The following GPC6 variants were observed in gnomAD, a reference collection of about 807,000 sequenced individuals.
GPC6 encodes the protein glypican-6.
GPC6 carries 14 observed loss-of-function variants against 55.2 expected under a neutral mutation model. The ratio of observed to expected loss-of-function variants is 0.25; its 90% confidence interval spans 0.17 to 0.40. The LOEUF is 0.40. GPC6 is among the 10% of genes least tolerant of loss of function. The pLI is 1.00. For synonymous variants in GPC6, 278 were observed against 259.6 expected (o/e 1.07, Z -0.68); for missense variants, 641 against 708.5 (o/e 0.90, Z 1.08).
intron 4 of GPC6, among the ~76,000 whole-genome samples, chr13:94,149,753 G>A (rs917987973): frequency 6.6e-6 from 1 of 151,954 alleles, no homozygotes; most frequent in Non-Finnish European, 1.5e-5. Flanking sequence ...AATACAGGAA[G>A]GGTTAATACA....
At chr13:94,049,882 T>C (rs1445626374) in intron 4 of GPC6, among the ~76,000 whole-genome samples, 3 of 152,134 alleles carry the variant, frequency 2.0e-5, no homozygotes, top group African/African-American at 4.8e-5. Context: ...GTAGAGATAA[T>C]TGAATCACGG....
intron 2 of GPC6, among the ~76,000 whole-genome samples, chr13:93,708,838 G>A (rs527952840): frequency 2.0e-5 from 3 of 151,830 alleles, no homozygotes; most frequent in African/African-American, 7.2e-5. Context: ...ACTAGTGACA[G>A]AAACTCACTC....
At chr13:93,479,612 C>G (rs1041216925) in intron 1 of GPC6, among the ~76,000 whole-genome samples, 181 of 141,444 alleles carry the variant, frequency 1.3e-3, no homozygotes, top group Non-Finnish European at 1.4e-3. Flanking sequence ...GGTGAGACCC[C>G]CCCCCATCTC....
At chr13:94,141,320 A>G (rs984335852) in intron 4 of GPC6, among the ~76,000 whole-genome samples, 4 of 152,216 alleles carry the variant, frequency 2.6e-5, no homozygotes, top group African/African-American at 7.2e-5. Context: ...TCAGCAAAAA[A>G]GAATGCTTAA....
intron 4 of GPC6, among the ~76,000 whole-genome samples, chr13:94,044,106 T>C (rs1311822796): frequency 6.6e-6 from 1 of 151,778 alleles, no homozygotes; most frequent in Admixed American, 6.6e-5. Flanking sequence ...CCTTTATCCA[T>C]ACTAACTTAG....
intron 1 of GPC6, among the ~76,000 whole-genome samples, chr13:93,335,555 C>T (rs1880015548): frequency 2.0e-5 from 3 of 152,166 alleles, no homozygotes; most frequent in Admixed American, 2.0e-4. Flanking sequence ...TGCCCCCTAC[C>T]TCTCAGGAGT....
chr13:94,056,352 C>A (rs1884133945), intron 4 of GPC6, among the ~76,000 whole-genome samples: 1 of 152,020 alleles, frequency 6.6e-6, no homozygotes, highest in Admixed American at 6.6e-5. Flanking sequence ...GAATGAGTAC[C>A]CAGTCCTATA....
At chr13:93,284,381 T>C (rs1042685450) in intron 1 of GPC6, among the ~76,000 whole-genome samples, 2 of 152,220 alleles carry the variant, frequency 1.3e-5, no homozygotes, top group Non-Finnish European at 2.9e-5. Context: ...TACCAGTAGT[T>C]AGTTGCTTTG....
rs370653712 is a variant in GPC6, at chr13:93,483,895, A to G, written c.161-61368A>G. The stretch of plus-strand genomic sequence containing the variant: ...AATAACTTATTTGGAAATTAGCTAC[A>G]TATTGTGTGCCCTGTATTTGAATGT... On this transcript the variant is annotated intron_variant, in intron 1 of 8. Transcript: ENST00000377047. Among the ~76,000 whole-genome samples the G allele has an allele frequency of 4.3e-4, 65 of 152,294 alleles. 1 individual carries two copies. Among genetic ancestry groups the G allele is most frequent in the Middle Eastern group, 6.8e-3 (2 of 294 alleles).
At chr13:94,394,058 A>C (rs1190154024) in intron 7 of GPC6, among the ~76,000 whole-genome samples, 1 of 151,986 alleles carries the variant, frequency 6.6e-6, no homozygotes, top group Admixed American at 6.5e-5. Flanking sequence ...CAGCCCTCTC[A>C]CCCCCAAATT....
At chr13:94,034,200 A>AGAAGGAAGGAAGGAAGGAAGGAAG (rs575821539) in intron 4 of GPC6, among the ~76,000 whole-genome samples, 1 of 72,622 alleles carries the variant, frequency 1.4e-5, no homozygotes, top group African/African-American at 3.4e-5. Context: ...AAAGAAAGAA[A>AGAAGGAAGGAAGGAAGGAAGGAAG]GAAGGAAGGA....
intron 4 of GPC6, among the ~76,000 whole-genome samples, chr13:94,214,773 A>G (rs1262124322): frequency 3.3e-5 from 5 of 152,198 alleles, no homozygotes; most frequent in Non-Finnish European, 5.9e-5. Context: ...TGAGAATTCA[A>G]TTCAATAGGA....
intron 2 of GPC6, among the ~76,000 whole-genome samples, chr13:93,772,055 C>T (rs566983591): frequency 6.6e-6 from 1 of 152,206 alleles, no homozygotes; most frequent in Non-Finnish European, 1.5e-5. Context: ...TCATATCTGA[C>T]AATATGCTTT....
At chr13:93,541,173 C>T (rs1185737314) in intron 1 of GPC6, among the ~76,000 whole-genome samples, 3 of 116,110 alleles carry the variant, frequency 2.6e-5, no homozygotes, top group African/African-American at 9.8e-5. Flanking sequence ...TATCCCTCCC[C>T]CCTCCCCCCA....
intron 4 of GPC6, among the ~76,000 whole-genome samples, chr13:94,119,595 G>A (rs1429472591): frequency 1.3e-5 from 2 of 152,124 alleles, no homozygotes; most frequent in South Asian, 2.1e-4. Context: ...GCTGAGGGCA[G>A]TGGGCAGGAG....
intron 3 of GPC6, among the ~76,000 whole-genome samples, chr13:93,872,280 T>C (rs1228658245): frequency 6.6e-6 from 1 of 151,994 alleles, no homozygotes; most frequent in East Asian, 1.9e-4. Context: ...GGATTTTTCA[T>C]AGCTTTTTAG....
intron 4 of GPC6, among the ~76,000 whole-genome samples, chr13:94,142,108 T>C (rs1013360718): frequency 2.0e-5 from 3 of 152,198 alleles, no homozygotes; most frequent in Non-Finnish European, 4.4e-5. Flanking sequence ...GTTGCTCTTT[T>C]ATGGTCAACT....
intron 1 of GPC6, among the ~76,000 whole-genome samples, chr13:93,475,025 A>G (rs989416348): frequency 3.9e-5 from 6 of 152,176 alleles, no homozygotes; most frequent in African/African-American, 1.4e-4. Context: ...ATGTGCCTAT[A>G]ATTGCAGCTA....
intron 4 of GPC6, among the ~76,000 whole-genome samples, chr13:94,115,347 TG>T (rs918389144): frequency 6.6e-6 from 1 of 151,812 alleles, no homozygotes; most frequent in Non-Finnish European, 1.5e-5. Flanking sequence ...AAGGGGTTGG[TG>T]GGGGGGTGTC....
Sources: gnomAD v4.1 joint callset for allele counts (sites outside exome capture counted in the v4.1 genomes callset) on GRCh38, gnomAD v4.1.1 for gene constraint, MANE v1.5 for transcripts, NCBI Gene and HGNC (gene_info 2026-07-23, HGNC 2026-07-21) for gene names.